Variants in TRIM4 observed in about 807,000 individuals in gnomAD.
TRIM4 encodes tripartite motif containing 4, also known as E3 ubiquitin-protein ligase TRIM4.
In TRIM4, 29 loss-of-function variants were observed where a neutral mutation model predicts 33.7. The observed-to-expected ratio is 0.86, with a 90% CI of 0.64 to 1.17. The LOEUF is 1.17. TRIM4 is among the 50% of genes most tolerant of loss of function. The pLI, the probability that TRIM4 is intolerant of heterozygous loss-of-function variation, is 0.00. For missense variants in TRIM4, 554 were observed against 593.7 expected (o/e 0.93, Z 0.69); for synonymous variants, 224 against 233.0 (o/e 0.96, Z 0.35).
In TRIM4 at chr7:99,892,662, G is replaced by A; in HGVS notation, c.926C>T (p.Ala309Val). The A allele has an allele frequency of 6.2e-7, 1 of 1,614,150 alleles. No homozygotes were observed. Residue 309 changes from alanine to valine, a missense_variant, in exon 6 of 6, where the codon GCC becomes GTC. Coordinates refer to ENST00000349062, the MANE Select transcript of TRIM4 (RefSeq NM_033091.3). ...EGRYVKNTAS[A>V]SSWPVFSSAW... ...TGAAGAAAACACTGGCCAAGAACTG[G>A]CTGATGCTGTATTTTTCACGTATCT...
At position 99,892,173 on chromosome 7, in the gene TRIM4, T is replaced by G; in HGVS notation, c.1415A>C (p.Asp472Ala). The G allele has an allele frequency of 1.2e-5, 19 of 1,605,974 alleles. No individual in the cohort carries two copies. Among genetic ancestry groups the G allele is most frequent in the Non-Finnish European group, 1.6e-5 (19 of 1,176,452 alleles). ...LASLVIPPVT[D>A]RK The stretch of plus-strand genomic sequence containing the variant: ...AGGGGAAGAAAAGCCTCATTTCCTA[T>G]CAGTCACTGGTGGAATGACTAAAGA... The change falls in exon 6 of 6, where the codon GAT becomes GCT. Residue 472 changes from aspartate to alanine, a missense_variant. This residue lies in a region of TRIM4 where 290 missense variants were observed against 335.8 expected (regional missense o/e 0.86). Transcript: ENST00000349062.
In TRIM4 at chr7:99,902,844, T is replaced by C. The variant is rs1819206528; in HGVS notation, c.841+374A>G. ...CTACTAATCCCTCAAATCTCAAAAC[T>C]GTCGCCTCTGCTGTGAAAACTTTCC... On this transcript the variant is annotated intron_variant, in intron 5 of 5. Transcript: ENST00000349062. 1.3e-5 allele frequency among the ~76,000 whole-genome samples: 2 copies of C among 150,802 alleles called. 1 individual carries two copies. The highest frequency in any genetic ancestry group is 4.3e-4 in the South Asian group (2 of 4,692).
chr7:99,919,292 T>C lies in TRIM4; in HGVS notation c.110A>G (p.His37Arg). Residue 37 changes from histidine to arginine, a missense_variant, in exon 1 of 6, where the codon CAC (histidine) becomes CGC (arginine). Coordinates refer to ENST00000349062, the MANE Select transcript of TRIM4 (RefSeq NM_033091.3). The stretch of plus-strand genomic sequence containing the variant: ...GCCGCCGCCCGGCGCCCAGTTGCGG[T>C]GCAGGCAGCCGCGGCAGAAGTTGTG... ...CGHNFCRGCLHRNWAPGGGPF... is the reference protein window; with the variant it reads ...CGHNFCRGCLRRNWAPGGGPF... 3 of 1,553,280 alleles carry C rather than the reference T, an allele frequency of 1.9e-6. No homozygotes were observed. The highest frequency in any genetic ancestry group is 1.4e-5 in the African/African-American group (1 of 72,348).
At chr7:99,908,504 G>A in intron 3 of TRIM4, 78 bp downstream of exon 3, 2 of 1,176,566 alleles carry the variant, frequency 1.7e-6, no homozygotes, top group Non-Finnish European at 2.4e-6. Flanking sequence ...CCACTCACCA[G>A]GAAGGACATT....
chr7:99,908,699 CTCT>C lies in TRIM4; in HGVS notation c.600_602del (p.Glu201del), dbSNP rs774621750. 31 of 1,613,930 alleles carry C rather than the reference CTCT, an allele frequency of 1.9e-5. No individual in the cohort carries two copies. Among genetic ancestry groups the C allele is most frequent in the African/African-American group, 9.3e-5 (7 of 74,902 alleles). Reference sequence around the variant, plus strand: ...TGTTCTCATTCAGCTTCTTCTTCGTCTCTTCTTCTTCTTTGTTCAATCTCTGAA... The same window carrying C: ...TGTTCTCATTCAGCTTCTTCTTCGTCTCTTCTTCTTTGTTCAATCTCTGAA... On this transcript the variant is annotated inframe_deletion, in exon 3 of 6. Coordinates refer to ENST00000349062, the MANE Select transcript of TRIM4 (RefSeq NM_033091.3).
At chr7:99,897,050 T>C (rs1340482490) in intron 5 of TRIM4, among the ~76,000 whole-genome samples, 1 of 152,234 alleles carries the variant, frequency 6.6e-6, no homozygotes, top group Non-Finnish European at 1.5e-5. Context: ...GACACTGGTT[T>C]GTTGCATAGC....
intron 5 of TRIM4, among the ~76,000 whole-genome samples, chr7:99,899,969 A>G (rs1336305379): frequency 6.6e-6 from 1 of 152,188 alleles, no homozygotes; most frequent in Non-Finnish European, 1.5e-5. Flanking sequence ...TATTTTTTGT[A>G]GAGACAGGGT....
intron 1 of TRIM4, among the ~76,000 whole-genome samples, chr7:99,912,182 C>G (rs1223868323): frequency 6.6e-6 from 1 of 152,152 alleles, no homozygotes; most frequent in Non-Finnish European, 1.5e-5. Flanking sequence ...TTTGTCAAAG[C>G]TCAGCAAATG....
rs1246819819 is a variant in TRIM4, at chr7:99,919,122, G to A, written c.280C>T (p.Leu94=). Residue 94 remains leucine (L), a synonymous_variant, in exon 1 of 6, where the codon CTG becomes TTG. Coordinates refer to ENST00000349062, the MANE Select transcript of TRIM4 (RefSeq NM_033091.3). ...TGGTCGTCCTCGCAGAAGAGCCGCA[G>A]CGGCTCCCAGTGGCGGCCGCACAGG... ...PGLCGRHWEP[L]RLFCEDDQRP... is the part of the protein sequence containing the mutation. The A allele has an allele frequency of 6.6e-7, 1 of 1,518,908 alleles. No homozygotes were observed. Among genetic ancestry groups the A allele is most frequent in the Non-Finnish European group, 8.8e-7 (1 of 1,132,926 alleles). 94.1% of individuals were successfully genotyped at this position (1,518,908 alleles called of 1,614,324 possible). A position where few individuals can be genotyped will look rare whatever the true frequency, so the allele number is the denominator to read the frequency against.
intron 5 of TRIM4, chr7:99,901,868 C>T: frequency 2.0e-6 from 1 of 510,916 alleles, no homozygotes; most frequent in Non-Finnish European, 3.4e-6. Context: ...GGCGAGGGTT[C>T]TCTCTGTGTC....
chr7:99,918,552 G>T (rs1332555895), intron 1 of TRIM4, among the ~76,000 whole-genome samples: 1 of 148,228 alleles, frequency 6.7e-6, no homozygotes, highest in East Asian at 1.9e-4. Flanking sequence ...GCAATAAAGT[G>T]AGACTCCATC....
chr7:99,906,687 A>G (rs531935222), intron 3 of TRIM4, among the ~76,000 whole-genome samples: 1 of 151,170 alleles, frequency 6.6e-6, no homozygotes, highest in African/African-American at 2.4e-5. Flanking sequence ...GGACCAATTT[A>G]AAAAAAAACA....
chr7:99,909,916 G>C (rs1466922756), intron 1 of TRIM4, among the ~76,000 whole-genome samples: 2 of 151,622 alleles, frequency 1.3e-5, no homozygotes, highest in Non-Finnish European at 2.9e-5. Flanking sequence ...ATGTTTCGTA[G>C]AGACAAAGTC....
At chr7:99,907,300 G>C (rs1819329470) in intron 3 of TRIM4, among the ~76,000 whole-genome samples, 1 of 151,882 alleles carries the variant, frequency 6.6e-6, no homozygotes, top group African/African-American at 2.4e-5. Context: ...AGTAGAGACG[G>C]GGTTTCACCA....
chr7:99,908,648 A>C lies in TRIM4; in HGVS notation c.654T>G (p.Ala218=). 2 of 1,614,136 alleles carry C rather than the reference A, an allele frequency of 1.2e-6. No individual in the cohort carries two copies. The highest frequency in any genetic ancestry group is 2.2e-5 in the South Asian group (2 of 91,076). The change falls in exon 3 of 6, where the codon GCT becomes GCG. Residue 218 remains alanine (A), a synonymous_variant. Transcript: ENST00000349062. ...ENTLKLNQTI[A]SLKKLILEVG... ...CCTCTAAGATGAGCTTCTTCAATGA[A>C]GCGATAGTTTGATTGAGTTTTAACG...
In TRIM4 at chr7:99,919,244, C is replaced by G. The variant is rs759387451; in HGVS notation, c.158G>C (p.Arg53Pro). 1.6e-5 allele frequency: 24 copies of G among 1,537,892 alleles called. No homozygotes were observed. Among genetic ancestry groups the G allele is most frequent in the African/African-American group, 2.8e-5 (2 of 71,102 alleles). ...GGGPFPCPEC[R>P]HPSAPAALRP... is the part of the protein sequence containing the mutation. ...CAGCGCGGCGGGCGCCGATGGGTGC[C>G]GACATTCGGGGCAGGGGAACGGGCC... The change falls in exon 1 of 6, where the codon CGG becomes CCG. Residue 53 changes from arginine to proline, a missense_variant. Transcript: ENST00000349062.
Position 99,919,458 on chromosome 7 carries a change from G to C in TRIM4, c.-57C>G. Reference sequence around the variant, plus strand: ...CGTGAGGCGCGGGAGAGGCCAGCAAGCTGCGAGCGGCCGCGGGGAGGCCAG... The same window carrying C: ...CGTGAGGCGCGGGAGAGGCCAGCAACCTGCGAGCGGCCGCGGGGAGGCCAG... On this transcript the variant is annotated 5_prime_UTR_variant, in exon 1 of 6. Transcript: ENST00000349062. 1.4e-6 allele frequency: 2 copies of C among 1,439,980 alleles called. No individual in the cohort carries two copies. The highest frequency in any genetic ancestry group is 1.8e-6 in the Non-Finnish European group (2 of 1,096,042). 89.2% of individuals were successfully genotyped at this position (1,439,980 alleles called of 1,614,324 possible).
intron 4 of TRIM4, 31 bp from the exon 5 acceptor site, chr7:99,903,346 G>A (rs780418450): frequency 2.3e-5 from 36 of 1,543,700 alleles, no homozygotes; most frequent in East Asian, 4.5e-5. Flanking sequence ...GCTCTTAGGG[G>A]ACAACTAGGG....
Position 99,918,995 on chromosome 7 carries a change from G to A in TRIM4, c.393+14C>T, listed in dbSNP as rs547146260. 285 of 1,581,398 alleles carry A rather than the reference G, an allele frequency of 1.8e-4. 3 individuals carry two copies. The South Asian group carries it at 3.1e-3, about 17-fold the overall frequency. On this transcript the variant is annotated intron_variant, in intron 1 of 5. Coordinates refer to ENST00000349062, the MANE Select transcript of TRIM4 (RefSeq NM_033091.3). ...CTGACAGCCCCGTCATAGTCACCGC[G>A]ACGGCCAGCTCACCCGGTAGCTCTC... is the stretch of plus-strand genomic sequence containing the variant.
Sources: allele counts gnomAD v4.1 joint callset (sites outside exome capture counted in the v4.1 genomes callset), GRCh38; gene constraint gnomAD v4.1.1; regional missense constraint gnomAD v4.1.1; transcripts MANE v1.5; gene names NCBI Gene and HGNC (gene_info 2026-07-23, HGNC 2026-07-21).